ZC3H14: variants seen among roughly 807,000 people sequenced by gnomAD.
ZC3H14 encodes the protein zinc finger CCCH domain-containing protein 14.
Under a neutral mutation model 92.4 loss-of-function variants are expected in ZC3H14, and 31 were observed. The ratio of observed to expected loss-of-function variants is 0.34; its 90% CI spans 0.25 to 0.45. The LOEUF (loss-of-function observed/expected upper bound fraction) is 0.45, where lower values mean the gene tolerates loss of function less well. ZC3H14 is among the 20% of genes least tolerant of loss of function. The pLI, the probability that ZC3H14 is intolerant of heterozygous loss-of-function variation, is 1.00. For missense variants in ZC3H14, 781 were observed against 897.3 expected (o/e 0.87, Z 1.66); for synonymous variants, 321 against 300.9 (o/e 1.07, Z -0.69).
At chr14:88,582,126 A>C (rs774429023) in intron 9 of ZC3H14, among the ~76,000 whole-genome samples, 2 of 152,372 alleles carry the variant, frequency 1.3e-5, no homozygotes, top group East Asian at 1.9e-4. Flanking sequence ...CCTCTGATAT[A>C]GTAGATGAGA....
intron 9 of ZC3H14, among the ~76,000 whole-genome samples, chr14:88,584,149 C>G (rs1042347486): frequency 6.6e-6 from 1 of 152,134 alleles, no homozygotes. Flanking sequence ...TATCTGGTTT[C>G]CCTGCCTTTG....
chr14:88,587,224 G>A (rs965133483), intron 9 of ZC3H14, among the ~76,000 whole-genome samples: 16 of 151,372 alleles, frequency 1.1e-4, no homozygotes, highest in Middle Eastern at 6.8e-3. Context: ...GTGCAGTGGC[G>A]TAATCCTGGC....
intron 12 of ZC3H14, among the ~76,000 whole-genome samples, chr14:88,606,588 G>A (rs1226172131): frequency 6.6e-6 from 1 of 151,868 alleles, no homozygotes; most frequent in Non-Finnish European, 1.5e-5. Context: ...TGGGCAACGT[G>A]GGGAAACCCT....
chr14:88,587,703 T>G (rs1210255426), intron 9 of ZC3H14, among the ~76,000 whole-genome samples: 1 of 152,148 alleles, frequency 6.6e-6, no homozygotes. Flanking sequence ...CCCAGCACTT[T>G]AGGAGGCTGA....
In ZC3H14 at chr14:88,607,218, A is replaced by G. The variant is rs1301166230; in HGVS notation, c.1748-25A>G. 5 of 1,614,006 alleles carry G rather than the reference A, an allele frequency of 3.1e-6. No individual in the cohort carries two copies. The Admixed American group carries it at 8.3e-5, about 27-fold the overall frequency. ...CTGAATTGATCATAATGAATGAAATACTTTTATTTCCTTTCCCTTTGTAGC... is the reference window on the plus strand; with the variant it reads ...CTGAATTGATCATAATGAATGAAATGCTTTTATTTCCTTTCCCTTTGTAGC... On this transcript the variant is annotated intron_variant, in intron 12 of 16. Transcript: ENST00000251038.
At chr14:88,565,152 A>AT (rs1014812773) in intron 2 of ZC3H14, among the ~76,000 whole-genome samples, 45 of 151,904 alleles carry the variant, frequency 3.0e-4, no homozygotes, top group African/African-American at 1.0e-3. Flanking sequence ...TATTATTATT[A>AT]TTTTTTTTGA....
In ZC3H14 at chr14:88,622,942, T is replaced by C; in HGVS notation, c.*11191T>C. On this transcript the variant is annotated 3_prime_UTR_variant, in exon 17 of 17. Coordinates refer to ENST00000251038, the MANE Select transcript of ZC3H14 (RefSeq NM_024824.5). ...CAGTGAATTTTATTTTGAGAAATACTCTTTTTTTCTGACATGAGCATAATT... is the reference window on the plus strand; with the variant it reads ...CAGTGAATTTTATTTTGAGAAATACCCTTTTTTTCTGACATGAGCATAATT... The C allele has an allele frequency of 5.0e-6, 2 of 397,666 alleles. No homozygotes were observed. The highest frequency in any genetic ancestry group is 8.9e-6 in the Non-Finnish European group (2 of 225,418). 24.6% of individuals were successfully genotyped at this position (397,666 alleles called of 1,614,324 possible).
chr14:88,590,734 C>G (rs1168286195), intron 9 of ZC3H14: 1 of 152,202 alleles, frequency 6.6e-6, no homozygotes, highest in Admixed American at 6.5e-5. Context: ...CCTCCTTCCC[C>G]GTCTCAACAG....
chr14:88,601,852 C>G, intron 10 of ZC3H14, 72 bp from the exon 11 acceptor site: 1 of 1,535,452 alleles, frequency 6.5e-7, no homozygotes, highest in Non-Finnish European at 9.0e-7. Flanking sequence ...TGACATTCTT[C>G]TCACATATAT....
chr14:88,565,360 C>G (rs2079428020), intron 2 of ZC3H14, among the ~76,000 whole-genome samples: 1 of 152,108 alleles, frequency 6.6e-6, no homozygotes, highest in African/African-American at 2.4e-5. Context: ...CCAGGCTGGT[C>G]TCAAACTCCT....
At position 88,624,961 on chromosome 14, in the gene ZC3H14, A is replaced by T; in HGVS notation, c.*13210A>T. 6.2e-7 allele frequency: 1 copy of T among 1,612,046 alleles called. No homozygotes were observed. Among genetic ancestry groups the T allele is most frequent in the Non-Finnish European group, 8.5e-7 (1 of 1,179,136 alleles). The stretch of plus-strand genomic sequence containing the variant: ...GCATAAATATTCTGTGAAAAGAAAG[A>T]GGACTCACGGCCTTTCCTTTCCCCC... On this transcript the variant is annotated 3_prime_UTR_variant, in exon 17 of 17. Coordinates refer to ENST00000251038, the MANE Select transcript of ZC3H14 (RefSeq NM_024824.5).
Position 88,618,584 on chromosome 14 carries a change from A to G in ZC3H14, c.*6833A>G. The G allele has an allele frequency of 9.8e-6, 15 of 1,525,778 alleles. No homozygotes were observed. Among genetic ancestry groups the G allele is most frequent in the Non-Finnish European group, 1.3e-5 (15 of 1,133,458 alleles). The allele number at this position is 1,525,778 out of a possible 1,614,324, so 94.5% of individuals were successfully genotyped here. A position where few individuals can be genotyped will look rare whatever the true frequency, so the allele number is the denominator to read the frequency against. ...TCTGGAGCTCAGGAACTTTAAATGC[A>G]TTCACTAACACGAAATGTAAAAGCA... On this transcript the variant is annotated 3_prime_UTR_variant, in exon 17 of 17. Transcript: ENST00000251038.
chr14:88,571,079 C>T lies in ZC3H14; in HGVS notation c.195-5C>T, dbSNP rs1441156229. The T allele has an allele frequency of 1.3e-6, 2 of 1,529,316 alleles. No individual in the cohort carries two copies. Among genetic ancestry groups the T allele is most frequent in the Non-Finnish European group, 1.8e-6 (2 of 1,137,260 alleles). 94.7% of individuals were successfully genotyped at this position (1,529,316 alleles called of 1,614,324 possible). A position where few individuals can be genotyped will look rare whatever the true frequency, so the allele number is the denominator to read the frequency against. The stretch of plus-strand genomic sequence containing the variant: ...TTTATTTTTGTTTTTTGTTTTTTTC[C>T]TCAGGCTTCATGGTGTATTAGATAA... On this transcript the variant is annotated splice_region_variant and splice_polypyrimidine_tract_variant and intron_variant, in intron 3 of 16. Transcript: ENST00000251038.
In ZC3H14 at chr14:88,616,037, AAT is replaced by A; in HGVS notation, c.*4287_*4288del. 7.6e-7 allele frequency: 1 copy of A among 1,322,354 alleles called. No individual in the cohort carries two copies. The highest frequency in any genetic ancestry group is 1.1e-6 in the Non-Finnish European group (1 of 926,672). The allele number at this position is 1,322,354 out of a possible 1,614,324, so 81.9% of individuals were successfully genotyped here. A position where few individuals can be genotyped will look rare whatever the true frequency, so the allele number is the denominator to read the frequency against. ...CCATCTGGTTATACTACCTTCTACT[AAT>A]GTTGACTAGCTGATTTCATAAACCA... On this transcript the variant is annotated 3_prime_UTR_variant, in exon 17 of 17. Transcript: ENST00000251038.
rs1228885862 is a variant in ZC3H14 at position 88,626,861 on chromosome 14, T to C, written c.*15110T>C. 2 of 1,613,836 alleles carry C rather than the reference T, an allele frequency of 1.2e-6. No homozygotes were observed. Among genetic ancestry groups the C allele is most frequent in the African/African-American group, 1.3e-5 (1 of 74,924 alleles). ...ACTGCACCAAATGCAATAGCGAGCA[T>C]GGTCTGCATCCGGGCATCTTCCAGT... On this transcript the variant is annotated 3_prime_UTR_variant, in exon 17 of 17. Coordinates refer to ENST00000251038, the MANE Select transcript of ZC3H14 (RefSeq NM_024824.5).
At chr14:88,585,243 TTGC>T (rs1039284444) in intron 9 of ZC3H14, among the ~76,000 whole-genome samples, 1 of 152,258 alleles carries the variant, frequency 6.6e-6, no homozygotes, top group African/African-American at 2.4e-5. Flanking sequence ...TCTGTCATCA[TTGC>T]TGATTTGCAT....
In ZC3H14 at chr14:88,580,036, AAAAAT is replaced by A. The variant is rs552781026; in HGVS notation, c.1279+1901_1279+1905del. On this transcript the variant is annotated intron_variant, in intron 9 of 16. Coordinates refer to ENST00000251038, the MANE Select transcript of ZC3H14 (RefSeq NM_024824.5). ...AGCATAGCAAAACCCTGTCTCGACAAAAAATAAAAATATTAGCTGGGCAAGGTATA... is the reference window on the plus strand; with the variant it reads ...AGCATAGCAAAACCCTGTCTCGACAAAAAAATATTAGCTGGGCAAGGTATA... Among the ~76,000 whole-genome samples, 22 of 152,278 alleles carry A rather than the reference AAAAAT, an allele frequency of 1.4e-4. No homozygotes were observed. The East Asian group carries it at 3.9e-3, about 27-fold the overall frequency.
intron 9 of ZC3H14, among the ~76,000 whole-genome samples, chr14:88,579,693 A>C (rs921965863): frequency 1.3e-5 from 2 of 152,248 alleles, no homozygotes; most frequent in Non-Finnish European, 2.9e-5. Context: ...TTGATTCTGA[A>C]GTTAGAATAG....
chr14:88,588,673 G>T (rs1001567077), intron 9 of ZC3H14, among the ~76,000 whole-genome samples: 9 of 152,058 alleles, frequency 5.9e-5, no homozygotes, highest in Admixed American at 2.6e-4. Context: ...TTCCGTGTGG[G>T]AAATACTCTT....
Sources: gnomAD v4.1 joint callset for allele counts (sites outside exome capture counted in the v4.1 genomes callset) on GRCh38, gnomAD v4.1.1 for gene constraint, MANE v1.5 for transcripts, NCBI Gene and HGNC (gene_info 2026-07-23, HGNC 2026-07-21) for gene names.